The following MYO1H variants were observed in gnomAD, a reference collection of about 807,000 sequenced individuals.
MYO1H encodes the protein myosin IH, also known as unconventional myosin-Ih.
MYO1H carries 118 observed loss-of-function variants against 149.3 expected under a neutral mutation model. The observed-to-expected ratio is 0.79, with a 90% CI of 0.68 to 0.92. The LOEUF is 0.92. Among genes scored for constraint, MYO1H ranks in the 40% least tolerant of loss-of-function variants. MYO1H has a pLI of 0.00. For synonymous variants in MYO1H, 447 were observed against 465.2 expected (o/e 0.96, Z 0.50); for missense variants, 1,212 against 1,280.7 (o/e 0.95, Z 0.82).
chr12:109,340,394 C>T, the MYO1H span, among the ~76,000 whole-genome samples: 5 of 152,162 alleles, frequency 3.3e-5, no homozygotes, highest in Admixed American at 2.0e-4. Context: ...GTCTCGAACT[C>T]CTGACCTTAG....
chr12:109,381,494 T>A (rs1029743527), intron 1 of MYO1H, among the ~76,000 whole-genome samples: 1 of 152,162 alleles, frequency 6.6e-6, no homozygotes, highest in African/African-American at 2.4e-5. Flanking sequence ...AAATTTGGGA[T>A]AAATTGGGCA....
chr12:109,311,024 G>C, the MYO1H span, among the ~76,000 whole-genome samples: 1 of 152,202 alleles, frequency 6.6e-6, no homozygotes, highest in South Asian at 2.1e-4. Flanking sequence ...AAGCATTTGG[G>C]TTTATTTCTG....
chr12:109,394,450 C>T (rs977428152), intron 3 of MYO1H, among the ~76,000 whole-genome samples: 2 of 152,158 alleles, frequency 1.3e-5, no homozygotes. Context: ...GTTTTTAGGC[C>T]TTAAAACCTT....
chr12:109,338,388 G>A, the MYO1H span, among the ~76,000 whole-genome samples: 2 of 152,140 alleles, frequency 1.3e-5, no homozygotes, highest in Non-Finnish European at 2.9e-5. Context: ...AAAAACAGAC[G>A]TCTGAGGGCT....
At chr12:109,330,454 T>A in the MYO1H span, among the ~76,000 whole-genome samples, 1 of 152,210 alleles carries the variant, frequency 6.6e-6, no homozygotes, top group South Asian at 2.1e-4. Flanking sequence ...TCTCGCAAGG[T>A]TACTCCTGTG....
At chr12:109,377,213 G>C (rs185530517) in intron 1 of MYO1H, among the ~76,000 whole-genome samples, 4 of 152,226 alleles carry the variant, frequency 2.6e-5, no homozygotes, top group Admixed American at 2.0e-4. Context: ...GAATACTTGA[G>C]GCTGAATAGT....
At chr12:109,417,095 G>C (rs113179636) in intron 15 of MYO1H, among the ~76,000 whole-genome samples, 24,997 of 151,516 alleles carry the variant, frequency 0.16, 2,508 homozygotes, top group African/African-American at 0.28. Context: ...TGCTTGAACC[G>C]GGGAGGCAGA....
chr12:109,351,590 C>A (rs1180875891), intron 1 of MYO1H, among the ~76,000 whole-genome samples: 1 of 152,134 alleles, frequency 6.6e-6, no homozygotes, highest in Non-Finnish European at 1.5e-5. Context: ...TTCCTGGGGA[C>A]CAGGTACCTT....
upstream of MYO1H, among the ~76,000 whole-genome samples, chr12:109,346,038 T>C (rs1183373080): frequency 1.3e-5 from 2 of 152,210 alleles, no homozygotes; most frequent in Non-Finnish European, 2.9e-5. Flanking sequence ...TTGCACAACA[T>C]TGTGAATCTA....
intron 15 of MYO1H, among the ~76,000 whole-genome samples, 186 bp from the exon 16 acceptor site, chr12:109,420,795 A>G (rs76463898): frequency 8.6e-4 from 131 of 152,242 alleles, no homozygotes; most frequent in African/African-American, 3.0e-3. Context: ...ACATCCCACA[A>G]TGCATGGGAC....
intron 1 of MYO1H, among the ~76,000 whole-genome samples, chr12:109,354,730 G>A (rs1868548604): frequency 6.6e-6 from 1 of 152,096 alleles, no homozygotes. Flanking sequence ...AATGTTTCCA[G>A]TAAACATAGC....
At chr12:109,408,206 G>T (rs1870485821) in intron 10 of MYO1H, among the ~76,000 whole-genome samples, 1 of 152,160 alleles carries the variant, frequency 6.6e-6, no homozygotes, top group Non-Finnish European at 1.5e-5. Context: ...ACAAGATCTT[G>T]CTCTGTCACT....
At chr12:109,350,820 A>T (rs1868448178) in intron 1 of MYO1H, among the ~76,000 whole-genome samples, 1 of 152,228 alleles carries the variant, frequency 6.6e-6, no homozygotes. Context: ...TAAAATAATG[A>T]TAGACTCACA....
At chr12:109,401,108 G>A (rs756112869) in exon 6 of MYO1H, 1 of 1,613,792 alleles carries the variant, frequency 6.2e-7, no homozygotes, top group Non-Finnish European at 8.5e-7. Context: ...TCCCGTAGGT[G>A]GGCATATCAT....
intron 1 of MYO1H, among the ~76,000 whole-genome samples, chr12:109,377,160 C>T (rs1869102020): frequency 6.6e-6 from 1 of 152,142 alleles, no homozygotes; most frequent in Non-Finnish European, 1.5e-5. Flanking sequence ...TGTTCCCTCC[C>T]ACCATCTCTT....
chr12:109,340,836 A>G, the MYO1H span, among the ~76,000 whole-genome samples: 1 of 152,168 alleles, frequency 6.6e-6, no homozygotes, highest in South Asian at 2.1e-4. Flanking sequence ...AGAAAGCAAG[A>G]GATATATAAA....
intron 15 of MYO1H, among the ~76,000 whole-genome samples, chr12:109,418,947 A>G (rs2135570585): frequency 6.6e-6 from 1 of 152,340 alleles, no homozygotes; most frequent in East Asian, 1.9e-4. Flanking sequence ...AGTGACAAAA[A>G]GAAAAAATTT....
At chr12:109,346,226 A>T (rs182496306), upstream of MYO1H, among the ~76,000 whole-genome samples, 1 of 152,216 alleles carries the variant, frequency 6.6e-6, no homozygotes, top group Admixed American at 6.5e-5. Flanking sequence ...ACTAGGTATT[A>T]TAAGTAATCT....
rs146567017 is a variant in MYO1H at position 109,379,236 on chromosome 12, G to A, written c.13-9447G>A. Among the ~76,000 whole-genome samples the A allele has an allele frequency of 6.6e-5, 10 of 152,328 alleles. No homozygotes were observed. The East Asian group carries it at 1.7e-3, about 26-fold the overall frequency. On this transcript the variant is annotated intron_variant, in intron 1 of 31. Transcript: ENST00000310903. ...TCAGAAGATTCTATTTGACAGCACT[G>A]ACTTAGGGGTTAGATCAGATTCAGC... is the stretch of plus-strand genomic sequence containing the variant.
Sources: allele counts gnomAD v4.1 joint callset (sites outside exome capture counted in the v4.1 genomes callset), GRCh38; gene constraint gnomAD v4.1.1; transcripts MANE v1.5; gene names NCBI Gene and HGNC (gene_info 2026-07-23, HGNC 2026-07-21).